SMPD4: variants seen among roughly 807,000 people sequenced by gnomAD.
SMPD4 encodes the protein neutral sphingomyelinase 3.
Under a neutral mutation model 97.8 loss-of-function variants are expected in SMPD4, and 58 were observed. The ratio of observed to expected loss-of-function variants is 0.59; its 90% CI spans 0.48 to 0.74. The LOEUF (loss-of-function observed/expected upper bound fraction) is 0.74, where lower values mean the gene tolerates loss of function less well. Among genes scored for constraint, SMPD4 ranks in the 30% least tolerant of loss-of-function variants. The pLI is 0.00. For synonymous variants in SMPD4, 388 were observed against 450.0 expected (o/e 0.86, Z 1.74); for missense variants, 853 against 1,080.5 (o/e 0.79, Z 2.95).
At chr2:130,156,762 T>G (rs368346676) in intron 12 of SMPD4, 87 bp from the exon 13 acceptor site, 3 of 1,559,006 alleles carry the variant, frequency 1.9e-6, no homozygotes, top group Non-Finnish European at 1.7e-6. Flanking sequence ...TCAGTGAGGG[T>G]TGGCTCCGCC....
At chr2:130,171,714 C>G (rs76691476) in intron 8 of SMPD4, among the ~76,000 whole-genome samples, 1 of 151,718 alleles carries the variant, frequency 6.6e-6, no homozygotes, top group Non-Finnish European at 1.5e-5. Flanking sequence ...GGGCCAGCAT[C>G]TGCAGGAAGG....
In SMPD4 at chr2:130,176,144, T is replaced by TA. The variant is rs543501308; in HGVS notation, c.39+409dup. On this transcript the variant is annotated intron_variant, in intron 2 of 19. Coordinates refer to ENST00000680298, the MANE Select transcript of SMPD4 (RefSeq NM_017951.5). The stretch of plus-strand genomic sequence containing the variant: ...AGTTCTCAGCATCATGTTTAATACT[T>TA]AAAGTGCAACCTAGCAGGCCCCCGC... 2.4e-3 allele frequency among the ~76,000 whole-genome samples: 358 copies of TA among 152,304 alleles called. 2 individuals are homozygous for TA. Among genetic ancestry groups the TA allele is most frequent in the Non-Finnish European group, 4.0e-3 (275 of 68,018 alleles).
intron 10 of SMPD4, among the ~76,000 whole-genome samples, chr2:130,162,566 C>T (rs953818843): frequency 2.0e-5 from 3 of 152,198 alleles, no homozygotes; most frequent in African/African-American, 7.2e-5. Flanking sequence ...AGCGCCATGG[C>T]CATCCTTACT....
intron 1 of SMPD4, among the ~76,000 whole-genome samples, chr2:130,180,186 A>C (rs1378451973): frequency 1.3e-5 from 2 of 148,314 alleles, no homozygotes; most frequent in African/African-American, 5.0e-5. Flanking sequence ...GATGGTCTCG[A>C]TCTCCTGACC....
chr2:130,155,253 G>T lies in SMPD4; in HGVS notation c.1296C>A (p.Pro432=), dbSNP rs768418873. ...QPRCVSEKWA[P]FVQENLLMYT... is the part of the protein sequence containing the mutation. ...ACATCAGCAGGTTCTCCTGGACAAA[G>T]GGTGCCCTGGGGACCGAGGTGGCAG... Residue 432 remains proline, a synonymous_variant, in exon 15 of 20, where the codon CCC becomes CCA. Coordinates refer to ENST00000680298, the MANE Select transcript of SMPD4 (RefSeq NM_017951.5). 2.0e-5 allele frequency: 32 copies of T among 1,614,064 alleles called. No homozygotes were observed. Among genetic ancestry groups the T allele is most frequent in the Non-Finnish European group, 2.7e-5 (32 of 1,179,994 alleles).
Position 130,161,291 on chromosome 2 carries a change from A to G in SMPD4, c.865-19T>C. 4 of 1,611,614 alleles carry G rather than the reference A, an allele frequency of 2.5e-6. No homozygotes were observed. Among genetic ancestry groups the G allele is most frequent in the Non-Finnish European group, 3.4e-6 (4 of 1,177,892 alleles). On this transcript the variant is annotated intron_variant, in intron 10 of 19. Coordinates refer to ENST00000680298, the MANE Select transcript of SMPD4 (RefSeq NM_017951.5). Reference sequence around the variant, plus strand: ...CCTCCAGCTGAGATAAGAAACAGAGAGATGCCGGAAGAGGCCGAAGAGCAG... The same window carrying G: ...CCTCCAGCTGAGATAAGAAACAGAGGGATGCCGGAAGAGGCCGAAGAGCAG...
At chr2:130,177,892 A>G (rs1194052116) in intron 1 of SMPD4, among the ~76,000 whole-genome samples, 1 of 152,144 alleles carries the variant, frequency 6.6e-6, no homozygotes, top group Admixed American at 6.5e-5. Context: ...ATAGCAGCCC[A>G]AGATTCCCGA....
intron 9 of SMPD4, among the ~76,000 whole-genome samples, chr2:130,165,108 T>TA (rs35361623): frequency 0.033 from 2,070 of 61,842 alleles, 93 homozygotes; most frequent in East Asian, 0.14. Context: ...GACTCTGATT[T>TA]AAAAAAAAAA....
chr2:130,155,717 T>C (rs1461386734), intron 14 of SMPD4, among the ~76,000 whole-genome samples: 3 of 151,954 alleles, frequency 2.0e-5, no homozygotes, highest in South Asian at 2.1e-4. Context: ...TCACCGCTGC[T>C]CTGTTCTGTG....
intron 8 of SMPD4, among the ~76,000 whole-genome samples, chr2:130,167,985 G>A (rs1688092905): frequency 1.3e-5 from 2 of 152,160 alleles, no homozygotes; most frequent in Non-Finnish European, 2.9e-5. Flanking sequence ...AGGATTTCTT[G>A]AGGCCAGGCA....
At chr2:130,153,242 C>T in intron 18 of SMPD4, 71 bp from the exon 19 acceptor site, 1 of 1,612,638 alleles carries the variant, frequency 6.2e-7, no homozygotes, top group Admixed American at 1.7e-5. Flanking sequence ...GCCTGATGGC[C>T]TCTGCTCACA....
chr2:130,173,660 A>G lies in SMPD4; in HGVS notation c.127-4T>C. 4 of 1,613,868 alleles carry G rather than the reference A, an allele frequency of 2.5e-6. No homozygotes were observed. The highest frequency in any genetic ancestry group is 3.4e-6 in the Non-Finnish European group (4 of 1,179,858). On this transcript the variant is annotated splice_region_variant and splice_polypyrimidine_tract_variant and intron_variant, in intron 3 of 19. Coordinates refer to ENST00000680298, the MANE Select transcript of SMPD4 (RefSeq NM_017951.5). ...ATGGGAAGATGGTGTGCAGCTCCTG[A>G]AACAATGTGTGGTGAAGCCGCGTGC... is the stretch of plus-strand genomic sequence containing the variant.
intron 8 of SMPD4, among the ~76,000 whole-genome samples, chr2:130,169,582 T>C (rs1208137056): frequency 1.3e-5 from 2 of 151,666 alleles, no homozygotes; most frequent in Non-Finnish European, 2.9e-5. Flanking sequence ...TTTTTTTCCC[T>C]GAGACAGGAT....
At chr2:130,171,467 C>G (rs1380860297) in intron 8 of SMPD4, among the ~76,000 whole-genome samples, 1 of 152,092 alleles carries the variant, frequency 6.6e-6, no homozygotes, top group African/African-American at 2.4e-5. Flanking sequence ...GCAAAAAAAC[C>G]AGGCATCAAA....
At chr2:130,163,870 G>A (rs564711228) in intron 10 of SMPD4, among the ~76,000 whole-genome samples, 11 of 152,380 alleles carry the variant, frequency 7.2e-5, no homozygotes, top group Admixed American at 5.2e-4. Flanking sequence ...CAGGCTGCAT[G>A]CAGGGGGGCA....
chr2:130,177,409 T>C (rs1689072570), intron 1 of SMPD4, among the ~76,000 whole-genome samples: 1 of 152,084 alleles, frequency 6.6e-6, no homozygotes. Flanking sequence ...ATAGAAATGC[T>C]GTTCTCAGCC....
chr2:130,173,186 G>A (rs1688642536), intron 5 of SMPD4, 93 bp downstream of exon 5: 2 of 1,234,300 alleles, frequency 1.6e-6, no homozygotes, highest in Non-Finnish European at 2.3e-6. Flanking sequence ...TCCTCAATTT[G>A]CCCTCAGAGG....
intron 11 of SMPD4, chr2:130,158,035 G>A (rs1573674700): frequency 5.1e-6 from 2 of 391,770 alleles, no homozygotes; most frequent in African/African-American, 2.1e-5. Context: ...AATGACTCAG[G>A]AGGCTAGGGT....
At chr2:130,176,337 C>T (rs1181528319) in intron 2 of SMPD4, among the ~76,000 whole-genome samples, 1 of 152,206 alleles carries the variant, frequency 6.6e-6, no homozygotes, top group Non-Finnish European at 1.5e-5. Context: ...TTTGAATGAA[C>T]TTGTGTGAGA....
Sources: gnomAD v4.1 joint callset for allele counts (sites outside exome capture counted in the v4.1 genomes callset) on GRCh38, gnomAD v4.1.1 for gene constraint, MANE v1.5 for transcripts, NCBI Gene and HGNC (gene_info 2026-07-23, HGNC 2026-07-21) for gene names.